CACNG2: variants seen among roughly 807,000 people sequenced by gnomAD.
CACNG2 encodes calcium voltage-gated channel auxiliary subunit gamma 2, also known as voltage-dependent calcium channel gamma-2 subunit.
A neutral mutation model predicts 25.9 loss-of-function variants in CACNG2; 3 were observed. That is an observed-to-expected ratio of 0.12 (90% confidence interval 0.05 to 0.30). CACNG2 has a LOEUF of 0.30. Ranked by LOEUF, CACNG2 falls within the 10% of genes least tolerant of loss-of-function variation. CACNG2 has a pLI of 1.00. For synonymous variants in CACNG2, 167 were observed against 173.3 expected (o/e 0.96, Z 0.29); for missense variants, 341 against 432.5 (o/e 0.79, Z 1.88).
chr22:36,593,763 G>GC (rs1935632077), intron 1 of CACNG2, among the ~76,000 whole-genome samples: 1 of 151,982 alleles, frequency 6.6e-6, no homozygotes, highest in Non-Finnish European at 1.5e-5. Flanking sequence ...TGGTCCCAAC[G>GC]CCTCTGGTGG....
chr22:36,607,504 G>A (rs759829544), intron 1 of CACNG2, among the ~76,000 whole-genome samples: 49 of 152,268 alleles, frequency 3.2e-4, no homozygotes, highest in South Asian at 1.7e-3. Context: ...TCAGCCTCCC[G>A]AAGTGCTGGG....
chr22:36,572,442 T>C (rs1272741315), intron 2 of CACNG2, among the ~76,000 whole-genome samples: 1 of 152,190 alleles, frequency 6.6e-6, no homozygotes, highest in Non-Finnish European at 1.5e-5. Flanking sequence ...AATAAAACTT[T>C]ATTTACAAAA....
At chr22:36,648,428 AC>A (rs1193860917) in intron 1 of CACNG2, among the ~76,000 whole-genome samples, 5 of 152,118 alleles carry the variant, frequency 3.3e-5, no homozygotes, top group African/African-American at 1.2e-4. Context: ...GAAATAAACG[AC>A]CCTCTCTTGC....
chr22:36,697,548 C>T (rs917053017), intron 1 of CACNG2, among the ~76,000 whole-genome samples: 1 of 152,176 alleles, frequency 6.6e-6, no homozygotes, highest in Non-Finnish European at 1.5e-5. Context: ...GTTGTTCATT[C>T]CTGTGTGCCT....
Position 36,702,684 on chromosome 22 carries a change from A to G in CACNG2, c.-108T>C. The G allele has an allele frequency of 1.3e-6, 1 of 769,176 alleles. No homozygotes were observed. Among genetic ancestry groups the G allele is most frequent in the Non-Finnish European group, 2.3e-6 (1 of 444,212 alleles). The allele number at this position is 769,176 out of a possible 1,614,324, so 47.6% of individuals were successfully genotyped here. On this transcript the variant is annotated 5_prime_UTR_variant, in exon 1 of 4. Coordinates refer to ENST00000300105, the MANE Select transcript of CACNG2 (RefSeq NM_006078.5). The stretch of plus-strand genomic sequence containing the variant: ...AATAAATAAAAATAAAAATTATTCC[A>G]CTACTAATATAATGGATATATGTAT...
chr22:36,582,410 CT>C (rs1215880009), intron 2 of CACNG2, among the ~76,000 whole-genome samples: 2 of 145,990 alleles, frequency 1.4e-5, no homozygotes, highest in Non-Finnish European at 3.0e-5. Flanking sequence ...TTCTTTCTTT[CT>C]TTTTTTTTTT....
Position 36,564,857 on chromosome 22 carries a change from A to G in CACNG2, c.466T>C (p.Tyr156His). The change falls in exon 4 of 4, where the codon TAC becomes CAC. Residue 156 changes from tyrosine (Y) to histidine (H), a missense_variant. Coordinates refer to ENST00000300105, the MANE Select transcript of CACNG2 (RefSeq NM_006078.5). This position sits in a 1 kb window ranked among gnomAD's most constrained non-coding sequence, Gnocchi z 6.7. ...GLSNIIGIIV[Y>H]ISANAGDPSK... ...GGGTCTCCGGCATTGGCAGATATGT[A>G]CACTATGATGCCAATGATGTTACTC... The G allele has an allele frequency of 6.2e-7, 1 of 1,613,836 alleles. No individual in the cohort carries two copies. The highest frequency in any genetic ancestry group is 2.2e-5 in the East Asian group (1 of 44,856).
chr22:36,640,267 T>C (rs1302526938), intron 1 of CACNG2, among the ~76,000 whole-genome samples: 1 of 152,254 alleles, frequency 6.6e-6, no homozygotes, highest in Non-Finnish European at 1.5e-5. Flanking sequence ...AAGCCTGCTG[T>C]GTCCACAGAA....
chr22:36,574,069 G>A (rs1935275577), intron 2 of CACNG2, among the ~76,000 whole-genome samples: 1 of 152,168 alleles, frequency 6.6e-6, no homozygotes, highest in Non-Finnish European at 1.5e-5. Flanking sequence ...GAGGAGGCAG[G>A]CGGGTCTGGG....
chr22:36,633,228 T>C (rs1936303014), intron 1 of CACNG2, among the ~76,000 whole-genome samples: 1 of 152,190 alleles, frequency 6.6e-6, no homozygotes, highest in Admixed American at 6.5e-5. Context: ...ATCCACTCTT[T>C]CCCCCATCAG....
In CACNG2 at chr22:36,610,260, A is replaced by G. The variant is rs559068816; in HGVS notation, c.212-22712T>C. Among the ~76,000 whole-genome samples the G allele has an allele frequency of 2.6e-3, 373 of 145,972 alleles. 2 individuals are homozygous for G. The highest frequency in any genetic ancestry group is 0.011 in the Middle Eastern group (3 of 282). On this transcript the variant is annotated intron_variant, in intron 1 of 3. Coordinates refer to ENST00000300105, the MANE Select transcript of CACNG2 (RefSeq NM_006078.5). ...GCTCCCCAGAGCGTGATTGGGAGGA[A>G]TCAGCCCCTTAGAGCGTGATTGGGC...
intron 1 of CACNG2, among the ~76,000 whole-genome samples, chr22:36,648,797 A>T (rs144070368): frequency 3.9e-5 from 6 of 151,928 alleles, no homozygotes; most frequent in Non-Finnish European, 8.8e-5. Context: ...TCCAATACCG[A>T]TCATATCCCA....
intron 1 of CACNG2, among the ~76,000 whole-genome samples, chr22:36,685,740 T>G (rs1232038900): frequency 6.6e-6 from 1 of 152,246 alleles, no homozygotes; most frequent in Non-Finnish European, 1.5e-5. Context: ...GAGAGCCGCC[T>G]ACCCTAGGAG....
intron 1 of CACNG2, among the ~76,000 whole-genome samples, chr22:36,632,114 T>C (rs540387351): frequency 1.3e-5 from 2 of 152,246 alleles, no homozygotes; most frequent in African/African-American, 4.8e-5. Flanking sequence ...AAAGGAGAGA[T>C]GCTAATCATT....
intron 1 of CACNG2, among the ~76,000 whole-genome samples, chr22:36,659,672 A>G (rs1936760278): frequency 6.7e-6 from 1 of 148,528 alleles, no homozygotes; most frequent in African/African-American, 2.5e-5. Flanking sequence ...CAGGGGTGGG[A>G]TGGTGCGGGG....
chr22:36,573,024 AACG>A, intron 2 of CACNG2, among the ~76,000 whole-genome samples: 1 of 152,326 alleles, frequency 6.6e-6, no homozygotes, highest in East Asian at 1.9e-4. Context: ...CAGCCTGGAT[AACG>A]TGCTATGAAA....
chr22:36,563,197 C>T lies in CACNG2; in HGVS notation c.*1154G>A, dbSNP rs540126228. Among the ~76,000 whole-genome samples, 301 of 152,114 alleles carry T rather than the reference C, an allele frequency of 2.0e-3. 1 individual carries two copies. The highest frequency in any genetic ancestry group is 3.1e-3 in the Non-Finnish European group (213 of 67,982). On this transcript the variant is annotated 3_prime_UTR_variant, in exon 4 of 4. Transcript: ENST00000300105. ...GCCTTTTTGCAGTGTCATTGTTGAA[C>T]CCGCTGGGCCCCAAGGGGGCATCAG...
rs1218663616 is a variant in CACNG2, at chr22:36,703,527, G to T, written c.-951C>A. Reference sequence around the variant, plus strand: ...GGCGCTCCCACCTACTGCATTACGGGTGGTGCTGAACCGGACAGCTCCCTG... The same window carrying T: ...GGCGCTCCCACCTACTGCATTACGGTTGGTGCTGAACCGGACAGCTCCCTG... On this transcript the variant is annotated 5_prime_UTR_variant, in exon 1 of 4. Coordinates refer to ENST00000300105, the MANE Select transcript of CACNG2 (RefSeq NM_006078.5). The T allele has an allele frequency of 2.0e-5, 3 of 152,100 alleles. No homozygotes were observed. Among genetic ancestry groups the T allele is most frequent in the Admixed American group, 2.0e-4 (3 of 15,284 alleles). 9.4% of individuals were successfully genotyped at this position (152,100 alleles called of 1,614,324 possible). A position where few individuals can be genotyped will look rare whatever the true frequency, so the allele number is the denominator to read the frequency against.
In CACNG2 at chr22:36,587,552, C is replaced by T; in HGVS notation, c.212-4G>A. The T allele has an allele frequency of 6.2e-7, 1 of 1,607,130 alleles. No homozygotes were observed. The highest frequency in any genetic ancestry group is 8.5e-7 in the Non-Finnish European group (1 of 1,173,592). ...TTGCACAGACCTTTGAAATTCCCTG[C>T]AAAACAAGGGGAGAAGGAGCACATG... is the stretch of plus-strand genomic sequence containing the variant. On this transcript the variant is annotated splice_region_variant and splice_polypyrimidine_tract_variant and intron_variant, in intron 1 of 3. Transcript: ENST00000300105.
Sources: gnomAD v4.1 joint callset for allele counts (sites outside exome capture counted in the v4.1 genomes callset) on GRCh38, gnomAD v4.1.1 for gene constraint, Gnocchi (gnomAD v3.1) non-coding constraint, MANE v1.5 for transcripts, NCBI Gene and HGNC (gene_info 2026-07-23, HGNC 2026-07-21) for gene names.